The following ADAMTS19 variants were observed in gnomAD, a reference collection of about 807,000 sequenced individuals.
ADAMTS19 encodes the protein ADAM metallopeptidase with thrombospondin type 1 motif 19.
A neutral mutation model predicts 153.3 loss-of-function variants in ADAMTS19; 93 were observed. The ratio of observed to expected loss-of-function variants is 0.61; its 90% CI spans 0.51 to 0.72. ADAMTS19 has a LOEUF of 0.72. Among genes scored for constraint, ADAMTS19 ranks in the 30% least tolerant of loss-of-function variants. ADAMTS19 has a pLI of 0.00. For missense variants in ADAMTS19, 1,482 were observed against 1,552.1 expected (o/e 0.95, Z 0.76); for synonymous variants, 600 against 556.6 (o/e 1.08, Z -1.10).
intron 8 of ADAMTS19, among the ~76,000 whole-genome samples, chr5:129,603,350 A>G (rs982074080): frequency 6.6e-6 from 1 of 152,182 alleles, no homozygotes; most frequent in Admixed American, 6.5e-5. Flanking sequence ...TGTAGACATA[A>G]TCCTATGATA....
At chr5:129,639,090 TTC>T (rs1209909520) in intron 10 of ADAMTS19, among the ~76,000 whole-genome samples, 1 of 152,216 alleles carries the variant, frequency 6.6e-6, no homozygotes, top group Non-Finnish European at 1.5e-5. Context: ...CTGTTGTGGA[TTC>T]CTATGCCAAG....
chr5:129,520,294 A>G (rs564495506), intron 3 of ADAMTS19, among the ~76,000 whole-genome samples: 1 of 152,164 alleles, frequency 6.6e-6, no homozygotes, highest in African/African-American at 2.4e-5. Context: ...AGCCTTTCCA[A>G]GCTATTGCTT....
chr5:129,653,752 G>A (rs1310848317), intron 13 of ADAMTS19, among the ~76,000 whole-genome samples: 1 of 152,104 alleles, frequency 6.6e-6, no homozygotes, highest in Non-Finnish European at 1.5e-5. Context: ...CCTAGTAACA[G>A]AAAATTTCAT....
intron 2 of ADAMTS19, among the ~76,000 whole-genome samples, chr5:129,481,217 G>A (rs942695966): frequency 6.6e-6 from 1 of 152,126 alleles, no homozygotes; most frequent in African/African-American, 2.4e-5. Context: ...AGGGGGAACA[G>A]GCACCTTCTT....
intron 2 of ADAMTS19, among the ~76,000 whole-genome samples, chr5:129,477,184 A>G (rs1302678994): frequency 1.3e-5 from 2 of 152,216 alleles, no homozygotes; most frequent in East Asian, 3.9e-4. Flanking sequence ...TTTAAGGGAT[A>G]AAATGATGAC....
intron 6 of ADAMTS19, among the ~76,000 whole-genome samples, chr5:129,543,083 CT>C (rs1752716345): frequency 7.1e-6 from 1 of 140,866 alleles, no homozygotes; most frequent in South Asian, 2.3e-4. Context: ...GAGTTTTGCT[CT>C]TGTTGCCCAG....
intron 2 of ADAMTS19, among the ~76,000 whole-genome samples, chr5:129,469,807 C>T (rs1469747872): frequency 6.6e-6 from 1 of 152,126 alleles, no homozygotes; most frequent in Non-Finnish European, 1.5e-5. Flanking sequence ...TCAATCTCTC[C>T]TTATTAATAA....
chr5:129,593,011 A>G (rs1750216585), intron 7 of ADAMTS19, among the ~76,000 whole-genome samples: 1 of 152,074 alleles, frequency 6.6e-6, no homozygotes, highest in African/African-American at 2.4e-5. Context: ...TATTGGCTTT[A>G]TCATCGTATT....
At chr5:129,611,870 G>A (rs1581144069) in intron 8 of ADAMTS19, among the ~76,000 whole-genome samples, 1 of 152,086 alleles carries the variant, frequency 6.6e-6, no homozygotes, top group African/African-American at 2.4e-5. Flanking sequence ...ACAAAGGGAA[G>A]CCCGTCAAAC....
chr5:129,673,899 C>T (rs1164535699), intron 16 of ADAMTS19, among the ~76,000 whole-genome samples: 1 of 151,810 alleles, frequency 6.6e-6, no homozygotes, highest in Non-Finnish European at 1.5e-5. Context: ...TTTTAAATCT[C>T]AAAATATTTC....
chr5:129,518,529 T>G (rs1751688257), intron 3 of ADAMTS19, among the ~76,000 whole-genome samples: 1 of 152,190 alleles, frequency 6.6e-6, no homozygotes, highest in Non-Finnish European at 1.5e-5. Flanking sequence ...TACTCTCTCC[T>G]GGCTTGTAAG....
At position 129,701,526 on chromosome 5, in the gene ADAMTS19, C is replaced by T. The variant is rs373801137; in HGVS notation, c.3093C>T (p.Pro1031=). The T allele has an allele frequency of 1.8e-5, 29 of 1,614,032 alleles. No homozygotes were observed. Among genetic ancestry groups the T allele is most frequent in the Middle Eastern group, 1.6e-4 (1 of 6,082 alleles). Residue 1031 remains proline, a synonymous_variant, in exon 20 of 23, where the codon CCC becomes CCT. Coordinates refer to ENST00000274487, the MANE Select transcript of ADAMTS19 (RefSeq NM_133638.6). ...AGAGGGACTGCATTGGGCCCAAGCC[C>T]GCCTCTGCCCAGCGCTGTGAGGGCC... ...ARERDCIGPK[P]ASAQRCEGQD... is the part of the protein sequence containing the mutation.
At chr5:129,592,204 C>T (rs901447278) in intron 7 of ADAMTS19, among the ~76,000 whole-genome samples, 1 of 151,652 alleles carries the variant, frequency 6.6e-6, no homozygotes, top group Non-Finnish European at 1.5e-5. Flanking sequence ...ATGGTGAAAC[C>T]CCATCTCTAC....
intron 21 of ADAMTS19, among the ~76,000 whole-genome samples, chr5:129,712,381 T>C (rs1224427801): frequency 6.6e-6 from 1 of 152,194 alleles, no homozygotes; most frequent in Non-Finnish European, 1.5e-5. Context: ...CTTTGAAAAC[T>C]GTTCACAACA....
At chr5:129,658,155 G>A (rs1302552750) in intron 14 of ADAMTS19, among the ~76,000 whole-genome samples, 3 of 151,870 alleles carry the variant, frequency 2.0e-5, no homozygotes, top group Non-Finnish European at 2.9e-5. Flanking sequence ...GCATGGTGAC[G>A]CATGCCTATA....
chr5:129,716,383 G>T (rs1477765786), intron 21 of ADAMTS19, among the ~76,000 whole-genome samples: 1 of 151,932 alleles, frequency 6.6e-6, no homozygotes, highest in Non-Finnish European at 1.5e-5. Flanking sequence ...ACTTTTAGTA[G>T]AGATGGGGTT....
intron 10 of ADAMTS19, among the ~76,000 whole-genome samples, chr5:129,634,124 C>G (rs1438655044): frequency 1.3e-5 from 2 of 152,136 alleles, no homozygotes; most frequent in Non-Finnish European, 2.9e-5. Context: ...ATGAACTAAC[C>G]TTGTGCCAGT....
At chr5:129,490,030 T>C (rs1341561771) in intron 2 of ADAMTS19, among the ~76,000 whole-genome samples, 8 of 152,212 alleles carry the variant, frequency 5.3e-5, no homozygotes, top group Non-Finnish European at 1.2e-4. Context: ...GAATAGTAAA[T>C]TTAATTAACC....
At chr5:129,594,182 A>G (rs1405084356) in intron 7 of ADAMTS19, among the ~76,000 whole-genome samples, 1 of 152,186 alleles carries the variant, frequency 6.6e-6, no homozygotes, top group African/African-American at 2.4e-5. Context: ...TAGAAGAAAT[A>G]AGAATTAGAA....
Sources: allele counts gnomAD v4.1 joint callset (sites outside exome capture counted in the v4.1 genomes callset), GRCh38; gene constraint gnomAD v4.1.1; transcripts MANE v1.5; gene names NCBI Gene and HGNC (gene_info 2026-07-23, HGNC 2026-07-21).